The following C18orf54 variants were observed in gnomAD, a reference collection of about 807,000 sequenced individuals.
C18orf54 encodes lung adenoma susceptibility protein 2.
C18orf54 carries 49 observed loss-of-function variants against 49.3 expected under a neutral mutation model. That is an observed-to-expected ratio of 0.99 (90% CI 0.79 to 1.26). C18orf54 has a LOEUF of 1.26. Ranked by LOEUF, C18orf54 falls within the 50% of genes most tolerant of loss-of-function variation. C18orf54 has a pLI of 0.00. For missense variants in C18orf54, 687 were observed against 620.6 expected (o/e 1.11, Z -1.14); for synonymous variants, 211 against 216.6 (o/e 0.97, Z 0.23).
In C18orf54 at chr18:54,361,994, T is replaced by C. The variant is rs2089280965; in HGVS notation, c.635T>C (p.Ile212Thr). 1 of 1,612,484 alleles carries C rather than the reference T, an allele frequency of 6.2e-7. No individual in the cohort carries two copies. The highest frequency in any genetic ancestry group is 8.5e-7 in the Non-Finnish European group (1 of 1,179,270). ...PKLMNRTNNC[I>T]SESSLSFPKK... ...CTTATGAATAGGACTAATAATTGCATTTCTGAATCATCTTTGTCTTTTCCC... is the reference window on the plus strand; with the variant it reads ...CTTATGAATAGGACTAATAATTGCACTTCTGAATCATCTTTGTCTTTTCCC... Residue 212 changes from isoleucine to threonine, a missense_variant, in exon 4 of 9, where the codon ATT becomes ACT. Physicochemically the swap from Ile to Thr is moderately conservative, Grantham distance 89. Coordinates refer to ENST00000620105, the MANE Select transcript of C18orf54 (RefSeq NM_001288980.2).
rs1368390079 is a variant in C18orf54, at chr18:54,379,290, C to T, written c.*1044C>T. 6.6e-6 allele frequency: 1 copy of T among 152,050 alleles called. No individual in the cohort carries two copies. Among genetic ancestry groups the T allele is most frequent in the Non-Finnish European group, 1.5e-5 (1 of 67,940 alleles). 9.4% of individuals were successfully genotyped at this position (152,050 alleles called of 1,614,324 possible). A position where few individuals can be genotyped will look rare whatever the true frequency, so the allele number is the denominator to read the frequency against. ...AAAACATAACTAATACAGCACATTACTGCCTGACAAAATTAAAGAGTACTG... is the reference window on the plus strand; with the variant it reads ...AAAACATAACTAATACAGCACATTATTGCCTGACAAAATTAAAGAGTACTG... On this transcript the variant is annotated 3_prime_UTR_variant, in exon 9 of 9. Transcript: ENST00000620105.
Position 54,378,469 on chromosome 18 carries a change from A to G in C18orf54, c.*223A>G, listed in dbSNP as rs907538967. 4 of 393,538 alleles carry G rather than the reference A, an allele frequency of 1.0e-5. No homozygotes were observed. The highest frequency in any genetic ancestry group is 1.0e-4 in the South Asian group (2 of 19,748). 24.4% of individuals were successfully genotyped at this position (393,538 alleles called of 1,614,324 possible). On this transcript the variant is annotated 3_prime_UTR_variant, in exon 9 of 9. Transcript: ENST00000620105. ...AGAATGTGAACTGCAAGGACCCACA[A>G]TATATCCTGAAGTCTTACTTTCGCC...
chr18:54,371,451 T>A (rs974977154), intron 6 of C18orf54, among the ~76,000 whole-genome samples: 1 of 152,172 alleles, frequency 6.6e-6, no homozygotes, highest in Non-Finnish European at 1.5e-5. Context: ...GTTGTGAACA[T>A]GGGTATACAA....
At position 54,360,652 on chromosome 18, in the gene C18orf54, G is replaced by C. The variant is rs967258081; in HGVS notation, c.80G>C (p.Ser27Thr). Residue 27 changes from serine to threonine, a missense_variant, in exon 3 of 9, where the codon AGT becomes ACT. Coordinates refer to ENST00000620105, the MANE Select transcript of C18orf54 (RefSeq NM_001288980.2). ...GCCCTGCTGGCAAGCTGCACCCTGA[G>C]TGGTAGTAATTCCTCTAATTCTGAT... The part of the protein sequence containing the change: ...VSALLASCTL[S>T]GSNSSNSDGS... The C allele has an allele frequency of 6.2e-7, 1 of 1,614,074 alleles. No homozygotes were observed. Among genetic ancestry groups the C allele is most frequent in the Admixed American group, 1.7e-5 (1 of 60,032 alleles).
chr18:54,371,940 G>A (rs886393142), intron 6 of C18orf54, among the ~76,000 whole-genome samples: 4 of 152,024 alleles, frequency 2.6e-5, no homozygotes, highest in Admixed American at 1.3e-4. Flanking sequence ...AAGTACTGCT[G>A]CGTTCTTTGA....
rs564715637 is a variant in C18orf54 at position 54,365,788 on chromosome 18, G to A, written c.1293G>A (p.Gly431=). The A allele has an allele frequency of 1.1e-5, 17 of 1,586,730 alleles. No individual in the cohort carries two copies. The highest frequency in any genetic ancestry group is 1.3e-5 in the Non-Finnish European group (15 of 1,162,708). Residue 431 remains glycine (G), a synonymous_variant, in exon 6 of 9, where the codon GGG becomes GGA. Coordinates refer to ENST00000620105, the MANE Select transcript of C18orf54 (RefSeq NM_001288980.2). ...QQTSRAKSAK[G]VLEDFLNNDN... ...CTTCAAGGGCAAAGAGTGCTAAAGG[G>A]GTTCTTGAAGACTTTCTAAATAATG...
chr18:54,358,335 G>A (rs1265433762), intron 1 of C18orf54, among the ~76,000 whole-genome samples: 1 of 152,206 alleles, frequency 6.6e-6, no homozygotes, highest in Non-Finnish European at 1.5e-5. Flanking sequence ...GGGCTCACAC[G>A]GGCGTCTGCG....
chr18:54,362,963 GA>G, intron 5 of C18orf54, 42 bp downstream of exon 5: 4 of 1,543,608 alleles, frequency 2.6e-6, no homozygotes, highest in Non-Finnish European at 2.6e-6. Flanking sequence ...TTTTCCAAAT[GA>G]AAAATGTCAT....
At chr18:54,361,417 A>G (rs2089266495) in intron 3 of C18orf54, among the ~76,000 whole-genome samples, 2 of 152,208 alleles carry the variant, frequency 1.3e-5, no homozygotes, top group Admixed American at 6.5e-5. Flanking sequence ...ACACAGGAAA[A>G]TTCAGGAGGT....
chr18:54,372,759 C>CAG (rs578220848), intron 7 of C18orf54, among the ~76,000 whole-genome samples, 162 bp downstream of exon 7: 2 of 151,758 alleles, frequency 1.3e-5, no homozygotes, highest in Non-Finnish European at 3.0e-5. Context: ...GTAATGTACT[C>CAG]ACGTTTAATT....
chr18:54,370,750 A>G (rs2089471784), intron 6 of C18orf54, among the ~76,000 whole-genome samples: 1 of 152,148 alleles, frequency 6.6e-6, no homozygotes, highest in Non-Finnish European at 1.5e-5. Context: ...TACTCTGACC[A>G]CTGCTTTGCA....
intron 8 of C18orf54, among the ~76,000 whole-genome samples, chr18:54,375,722 G>A (rs1455846023): frequency 6.6e-6 from 1 of 151,732 alleles, no homozygotes; most frequent in South Asian, 2.1e-4. Context: ...TCTACTATAA[G>A]CAATCAATAG....
chr18:54,378,320 T>A lies in C18orf54; in HGVS notation c.*74T>A, dbSNP rs943013534. The A allele has an allele frequency of 7.8e-7, 1 of 1,286,690 alleles. No individual in the cohort carries two copies. The highest frequency in any genetic ancestry group is 1.1e-6 in the Non-Finnish European group (1 of 898,298). The allele number at this position is 1,286,690 out of a possible 1,614,324, so 79.7% of individuals were successfully genotyped here. A position where few individuals can be genotyped will look rare whatever the true frequency, so the allele number is the denominator to read the frequency against. ...TAGGCATTTTTTCTATTACTTAAAC[T>A]GACAAAGTAAATATAAGCCATACAT... is the stretch of plus-strand genomic sequence containing the variant. On this transcript the variant is annotated 3_prime_UTR_variant, in exon 9 of 9. Transcript: ENST00000620105.
Position 54,372,474 on chromosome 18 carries a change from T to C in C18orf54, c.1335T>C (p.Thr445=). 1 of 1,605,820 alleles carries C rather than the reference T, an allele frequency of 6.2e-7. No homozygotes were observed. The highest frequency in any genetic ancestry group is 8.5e-7 in the Non-Finnish European group (1 of 1,175,932). Residue 445 remains threonine (T), a synonymous_variant, in exon 7 of 9, where the codon ACT becomes ACC. Coordinates refer to ENST00000620105, the MANE Select transcript of C18orf54 (RefSeq NM_001288980.2). ...DFLNNDNQSC[T]LSGGKHHGPV... The stretch of plus-strand genomic sequence containing the variant: ...ATCTGTTTTAACCTTAGAGCTGTAC[T>C]CTCTCTGGAGGCAAACATCATGGTC...
intron 5 of C18orf54, among the ~76,000 whole-genome samples, chr18:54,365,079 AG>A (rs1423058164): frequency 6.6e-6 from 1 of 151,996 alleles, no homozygotes; most frequent in African/African-American, 2.4e-5. Context: ...TAAATGTACT[AG>A]GTACATAGAA....
Position 54,379,406 on chromosome 18 carries a change from C to T in C18orf54, c.*1160C>T, listed in dbSNP as rs1240598053. ...ATTGTCAAATAGGAATTTCTAAGCA[C>T]ATTGAGTCAAAGCATTTTTTCCAAG... On this transcript the variant is annotated 3_prime_UTR_variant, in exon 9 of 9. Transcript: ENST00000620105. The T allele has an allele frequency of 2.6e-5, 4 of 151,588 alleles. No individual in the cohort carries two copies. Among genetic ancestry groups the T allele is most frequent in the Non-Finnish European group, 5.9e-5 (4 of 67,862 alleles). 9.4% of individuals were successfully genotyped at this position (151,588 alleles called of 1,614,324 possible). A position where few individuals can be genotyped will look rare whatever the true frequency, so the allele number is the denominator to read the frequency against.
chr18:54,367,562 T>A (rs1193216180), intron 6 of C18orf54, among the ~76,000 whole-genome samples: 1 of 152,162 alleles, frequency 6.6e-6, no homozygotes, highest in Non-Finnish European at 1.5e-5. Context: ...TCCTGGCCTT[T>A]AAGGTTTCTG....
rs2089639635 is a variant in C18orf54 at position 54,379,983 on chromosome 18, T to A, written c.*1737T>A. The A allele has an allele frequency of 6.6e-6, 1 of 152,098 alleles. No homozygotes were observed. Among genetic ancestry groups the A allele is most frequent in the African/African-American group, 2.4e-5 (1 of 41,454 alleles). The allele number at this position is 152,098 out of a possible 1,614,324, so 9.4% of individuals were successfully genotyped here. Reference sequence around the variant, plus strand: ...TGTTCTAAAATCTTATAGCCAGTATTTTAAGAAACTTGATTATACTTACCA... The same window carrying A: ...TGTTCTAAAATCTTATAGCCAGTATATTAAGAAACTTGATTATACTTACCA... On this transcript the variant is annotated 3_prime_UTR_variant, in exon 9 of 9. Transcript: ENST00000620105.
intron 6 of C18orf54, among the ~76,000 whole-genome samples, chr18:54,370,680 A>G (rs1285062896): frequency 1.3e-5 from 2 of 152,212 alleles, no homozygotes; most frequent in East Asian, 1.9e-4. Flanking sequence ...TATTTTTAAA[A>G]CATTCATTAA....
Sources: allele counts gnomAD v4.1 joint callset (sites outside exome capture counted in the v4.1 genomes callset), GRCh38; gene constraint gnomAD v4.1.1; transcripts MANE v1.5; gene names NCBI Gene and HGNC (gene_info 2026-07-23, HGNC 2026-07-21).